Variants in ITPKB observed in about 807,000 individuals in gnomAD.
The protein encoded by ITPKB is inositol-trisphosphate 3-kinase B.
Under a neutral mutation model 69.4 loss-of-function variants are expected in ITPKB, and 13 were observed. The observed-to-expected ratio is 0.19, with a 90% CI of 0.12 to 0.30. ITPKB has a LOEUF of 0.30. Among genes scored for constraint, ITPKB ranks in the 10% least tolerant of loss-of-function variants. ITPKB has a pLI of 1.00. For synonymous variants in ITPKB, 584 were observed against 513.7 expected, an observed-to-expected ratio of 1.14 and a Z score of -1.85; for missense variants, 1,240 against 1,250.5, an observed-to-expected ratio of 0.99 and a Z score of 0.13.
In ITPKB at chr1:226,737,623, G is replaced by A; in HGVS notation, c.-165C>T. 8.9e-7 allele frequency: 1 copy of A among 1,128,966 alleles called. No individual in the cohort carries two copies. The highest frequency in any genetic ancestry group is 1.1e-6 in the Non-Finnish European group (1 of 923,386). 69.9% of individuals were successfully genotyped at this position (1,128,966 alleles called of 1,614,324 possible). On this transcript the variant is annotated 5_prime_UTR_variant, in exon 2 of 8. Transcript: ENST00000429204. ...GGCAGCGGGCTGGGGGCACGACCGC[G>A]GGCTCAGCCCCCGCCCAAAGCTCCA...
rs1313193034 is a variant in ITPKB at position 226,647,808 on chromosome 1, A to T, written c.2033-428T>A. 3.3e-5 allele frequency among the ~76,000 whole-genome samples: 5 copies of T among 152,266 alleles called. No individual in the cohort carries two copies. The South Asian group carries it at 6.2e-4, about 19-fold the overall frequency. On this transcript the variant is annotated intron_variant, in intron 3 of 7. Coordinates refer to ENST00000429204, the MANE Select transcript of ITPKB (RefSeq NM_002221.4). ...ATTCAGAGCCAAGGTGGGGAGATAC[A>T]GCAGGCTGAGAAGCTGGGGGGCCTA...
At chr1:226,726,850 T>G (rs948823934) in intron 2 of ITPKB, among the ~76,000 whole-genome samples, 3 of 152,210 alleles carry the variant, frequency 2.0e-5, no homozygotes, top group Middle Eastern at 3.2e-3. Context: ...CTGTAACACA[T>G]AGCAAAACCA....
chr1:226,680,560 T>C (rs557622971), intron 2 of ITPKB, among the ~76,000 whole-genome samples: 4 of 152,038 alleles, frequency 2.6e-5, no homozygotes, highest in Admixed American at 1.3e-4. Flanking sequence ...ACGATTCTTA[T>C]GAAAAAGGAA....
intron 2 of ITPKB, among the ~76,000 whole-genome samples, chr1:226,719,803 C>T (rs1657188668): frequency 6.6e-6 from 1 of 152,212 alleles, no homozygotes; most frequent in Non-Finnish European, 1.5e-5. Flanking sequence ...CCTGAGGCAT[C>T]TGGACACGTG....
In ITPKB at chr1:226,738,218, C is replaced by T. The variant is rs891028421; in HGVS notation, c.-205-555G>A. Among the ~76,000 whole-genome samples the T allele has an allele frequency of 2.0e-5, 3 of 152,154 alleles. No individual in the cohort carries two copies. The highest frequency in any genetic ancestry group is 2.1e-4 in the South Asian group (1 of 4,826). ...CCCGAGCCGCTGCCAGCGCCCGGAT[C>T]TGGGAGGGCGCCCGCGTGCCCGCCG... On this transcript the variant is annotated intron_variant, in intron 1 of 7. Coordinates refer to ENST00000429204, the MANE Select transcript of ITPKB (RefSeq NM_002221.4). The surrounding 1 kb of genome is among the most constrained non-coding windows in gnomAD (Gnocchi z 4.2).
rs574594922 is a variant in ITPKB, at chr1:226,642,210, T to C, written c.2247-85A>G. On this transcript the variant is annotated intron_variant, in intron 4 of 7. Transcript: ENST00000429204. This position sits in a 1 kb window ranked among gnomAD's most constrained non-coding sequence, Gnocchi z 6.4. ...CCTTTCCTGCCTGGTGGATGAAGGT[T>C]TGGGGCGTGTGTTGCCCAACAGCTG... 8.6e-7 allele frequency: 1 copy of C among 1,157,988 alleles called. No individual in the cohort carries two copies. Among genetic ancestry groups the C allele is most frequent in the African/African-American group, 1.5e-5 (1 of 65,574 alleles). The allele number at this position is 1,157,988 out of a possible 1,614,324, so 71.7% of individuals were successfully genotyped here.
intron 3 of ITPKB, 33 bp from the exon 4 acceptor site, chr1:226,647,413 C>A (rs757000066): frequency 6.5e-7 from 1 of 1,545,276 alleles, no homozygotes; most frequent in East Asian, 2.3e-5. Context: ...TCCTGGTCTC[C>A]GGCTGCAGGT....
Position 226,647,181 on chromosome 1 carries a change from G to A in ITPKB, c.2232C>T (p.Cys744=). 1.2e-6 allele frequency: 2 copies of A among 1,614,144 alleles called. No homozygotes were observed. The highest frequency in any genetic ancestry group is 4.5e-5 in the East Asian group (2 of 44,884). The change falls in exon 4 of 8, where the codon TGC becomes TGT. Residue 744 remains cysteine (C), a synonymous_variant. Coordinates refer to ENST00000429204, the MANE Select transcript of ITPKB (RefSeq NM_002221.4). ...ADFDSPCVMD[C]KMGIRTYLEE... is the part of the protein sequence containing the mutation. ...GCCTGGCTCACCTGATTCCCATCTT[G>A]CAGTCCATCACACAGGGCGAGTCGA...
At chr1:226,730,235 T>C (rs1465978441) in intron 2 of ITPKB, among the ~76,000 whole-genome samples, 3 of 152,186 alleles carry the variant, frequency 2.0e-5, no homozygotes, top group Non-Finnish European at 4.4e-5. Context: ...TTGTTTCTGC[T>C]CCATGTTGTT....
chr1:226,647,438 C>T, intron 3 of ITPKB, 58 bp from the exon 4 acceptor site: 1 of 1,308,610 alleles, frequency 7.6e-7, no homozygotes, highest in Non-Finnish European at 1.1e-6. Context: ...GGCAGAGGCA[C>T]CCTCCCCAGC....
At chr1:226,727,657 A>AAGGGCCAAGAAAGAAAACTG (rs1483674614) in intron 2 of ITPKB, among the ~76,000 whole-genome samples, 2 of 152,198 alleles carry the variant, frequency 1.3e-5, no homozygotes, top group African/African-American at 4.8e-5. Flanking sequence ...AACCCTTTAG[A>AAGGGCCAAGAAAGAAAACTG]AGGGCCAAGA....
intron 2 of ITPKB, among the ~76,000 whole-genome samples, chr1:226,692,948 C>T (rs1656392232): frequency 6.6e-6 from 1 of 152,244 alleles, no homozygotes; most frequent in Non-Finnish European, 1.5e-5. Flanking sequence ...GCTCCTAAGT[C>T]CACAGCTTTC....
intron 2 of ITPKB, among the ~76,000 whole-genome samples, chr1:226,689,569 T>TTTTGTGTG (rs1021596011): frequency 3.1e-4 from 43 of 138,568 alleles, no homozygotes; most frequent in South Asian, 2.5e-3. Flanking sequence ...AAGGTTTTAT[T>TTTTGTGTG]TGTGTGTGTG....
intron 2 of ITPKB, among the ~76,000 whole-genome samples, chr1:226,655,378 G>GAAGT (rs1427967875): frequency 6.6e-6 from 1 of 152,188 alleles, no homozygotes; most frequent in African/African-American, 2.4e-5. Context: ...GGGAGGAAAT[G>GAAGT]GCCCCCGTTA....
At chr1:226,668,360 G>T (rs768761715) in intron 2 of ITPKB, among the ~76,000 whole-genome samples, 1 of 152,142 alleles carries the variant, frequency 6.6e-6, no homozygotes, top group Non-Finnish European at 1.5e-5. Context: ...CACAGGATTC[G>T]GTATCAGTGG....
intron 2 of ITPKB, among the ~76,000 whole-genome samples, chr1:226,703,960 T>TA (rs534025076): frequency 1.0e-3 from 152 of 150,176 alleles, no homozygotes; most frequent in East Asian, 2.5e-3. Context: ...CAAGAGCTAA[T>TA]AAAAAAAAAA....
chr1:226,634,074 G>A lies in ITPKB; in HGVS notation c.*597C>T, dbSNP rs982628071. 1.3e-5 allele frequency: 2 copies of A among 152,658 alleles called. No homozygotes were observed. Among genetic ancestry groups the A allele is most frequent in the African/African-American group, 2.4e-5 (1 of 41,442 alleles). The allele number at this position is 152,658 out of a possible 1,614,324, so 9.5% of individuals were successfully genotyped here. ...ACCAGATGGGTGGGGGGCCTTGCCT[G>A]AGCAGCCCTGGAGAGGCCACCAGGG... On this transcript the variant is annotated 3_prime_UTR_variant, in exon 8 of 8. Transcript: ENST00000429204. The surrounding 1 kb of genome is among the most constrained non-coding windows in gnomAD (Gnocchi z 6.3).
At position 226,642,585 on chromosome 1, in the gene ITPKB, AC is replaced by A. The variant is rs937805843; in HGVS notation, c.2247-461del. ...AGCCCAAGGAGCTCCTCCTCGGGAG[AC>A]CCCCACAGGAACCAGCAGAAGAAGG... On this transcript the variant is annotated intron_variant, in intron 4 of 7. Coordinates refer to ENST00000429204, the MANE Select transcript of ITPKB (RefSeq NM_002221.4). The surrounding 1 kb of genome is among the most constrained non-coding windows in gnomAD (Gnocchi z 6.4). Among the ~76,000 whole-genome samples the A allele has an allele frequency of 6.6e-6, 1 of 151,398 alleles. No individual in the cohort carries two copies. The highest frequency in any genetic ancestry group is 1.5e-5 in the Non-Finnish European group (1 of 67,868).
intron 2 of ITPKB, among the ~76,000 whole-genome samples, chr1:226,730,861 T>C (rs1400104456): frequency 6.6e-6 from 1 of 152,246 alleles, no homozygotes; most frequent in Non-Finnish European, 1.5e-5. Context: ...AGTGACTCTG[T>C]AGCAATTCAG....
Sources: gnomAD v4.1 joint callset for allele counts (sites outside exome capture counted in the v4.1 genomes callset) on GRCh38, gnomAD v4.1.1 for gene constraint, Gnocchi (gnomAD v3.1) non-coding constraint, MANE v1.5 for transcripts, NCBI Gene and HGNC (gene_info 2026-07-23, HGNC 2026-07-21) for gene names.